Variants in MAF observed in about 807,000 individuals in gnomAD.
MAF encodes the protein transcription factor Maf.
In MAF, 10 loss-of-function variants were observed where a neutral mutation model predicts 22.0. The ratio of observed to expected loss-of-function variants is 0.45; its 90% CI spans 0.28 to 0.77. The LOEUF (loss-of-function observed/expected upper bound fraction) is 0.77. Among genes scored for constraint, MAF ranks in the 30% least tolerant of loss-of-function variants. The pLI, the probability that MAF is intolerant of heterozygous loss-of-function variation, is 0.12. For synonymous variants in MAF, 337 were observed against 255.8 expected, an observed-to-expected ratio of 1.32 and a Z score of -3.03; for missense variants, 544 against 548.4, an observed-to-expected ratio of 0.99 and a Z score of 0.08.
At chr16:79,573,406 G>A in the MAF span, among the ~76,000 whole-genome samples, 1 of 152,104 alleles carries the variant, frequency 6.6e-6, no homozygotes, top group African/African-American at 2.4e-5. Flanking sequence ...TTTTATGCAT[G>A]GTGTTTACAA....
the MAF span, among the ~76,000 whole-genome samples, chr16:79,301,152 G>A: frequency 4.6e-5 from 7 of 152,072 alleles, no homozygotes; most frequent in African/African-American, 9.7e-5. Flanking sequence ...GAAACAAGTC[G>A]GGTCCTCAGG....
the MAF span, among the ~76,000 whole-genome samples, chr16:79,384,524 G>A: frequency 2.3e-4 from 35 of 151,074 alleles, no homozygotes; most frequent in Admixed American, 6.6e-4. Context: ...TTGGGAGGCC[G>A]AGGCAGGTGG....
chr16:79,554,119 AAACAAACAAAAC>A, the MAF span, among the ~76,000 whole-genome samples: 2 of 91,704 alleles, frequency 2.2e-5, no homozygotes, highest in Non-Finnish European at 5.6e-5. Context: ...ACAAACAAAC[AAACAAACAAAAC>A]CACCAAACCA....
the MAF span, among the ~76,000 whole-genome samples, chr16:79,464,782 C>A: frequency 9.2e-5 from 14 of 152,060 alleles, no homozygotes; most frequent in African/African-American, 3.4e-4. Flanking sequence ...CGTCCCTGAC[C>A]CTGATTCCAG....
At chr16:79,506,667 T>G in the MAF span, among the ~76,000 whole-genome samples, 1 of 152,106 alleles carries the variant, frequency 6.6e-6, no homozygotes, top group African/African-American at 2.4e-5. Flanking sequence ...GATGGAACTG[T>G]GTTGAGGCAA....
At chr16:79,438,656 GTC>G in the MAF span, among the ~76,000 whole-genome samples, 1 of 152,166 alleles carries the variant, frequency 6.6e-6, no homozygotes, top group Non-Finnish European at 1.5e-5. Flanking sequence ...AGTTTTCTAA[GTC>G]TGCACAGCCA....
chr16:79,242,011 C>A, the MAF span, among the ~76,000 whole-genome samples: 1 of 151,990 alleles, frequency 6.6e-6, no homozygotes, highest in African/African-American at 2.4e-5. Flanking sequence ...TTGTCACCAC[C>A]AGGCCTGCCT....
At chr16:79,507,605 T>G in the MAF span, among the ~76,000 whole-genome samples, 1 of 151,856 alleles carries the variant, frequency 6.6e-6, no homozygotes, top group South Asian at 2.1e-4. Flanking sequence ...TTTTGTATTT[T>G]TAGTAGAGAT....
At chr16:79,470,838 GTGTGTTTTACTGCTATT>G in the MAF span, among the ~76,000 whole-genome samples, 1 of 152,222 alleles carries the variant, frequency 6.6e-6, no homozygotes, top group Non-Finnish European at 1.5e-5. Context: ...GCCAGAACTA[GTGTGTTTTACTGCTATT>G]TGTCACCATT....
the MAF span, among the ~76,000 whole-genome samples, chr16:79,214,595 C>A: frequency 7.3e-5 from 11 of 149,732 alleles, no homozygotes; most frequent in African/African-American, 2.7e-4. Context: ...TAAGTAGAGA[C>A]GGGGTTTCAC....
the MAF span, among the ~76,000 whole-genome samples, chr16:79,366,257 G>A: frequency 3.9e-5 from 6 of 152,116 alleles, no homozygotes; most frequent in Non-Finnish European, 7.3e-5. Context: ...CCTTTAAAAC[G>A]TAACTGCACA....
At chr16:79,395,743 A>G in the MAF span, among the ~76,000 whole-genome samples, 1 of 152,170 alleles carries the variant, frequency 6.6e-6, no homozygotes, top group Non-Finnish European at 1.5e-5. Flanking sequence ...TGGTTCCCCA[A>G]GCTGTGCGAG....
the MAF span, among the ~76,000 whole-genome samples, chr16:79,547,033 G>C: frequency 6.6e-6 from 1 of 152,192 alleles, no homozygotes; most frequent in Non-Finnish European, 1.5e-5. Flanking sequence ...GCCAGACATG[G>C]TCACAGGACA....
At chr16:79,562,743 C>G in the MAF span, among the ~76,000 whole-genome samples, 3 of 152,136 alleles carry the variant, frequency 2.0e-5, no homozygotes, top group African/African-American at 4.8e-5. Context: ...GTCCAGGGCT[C>G]CAACTCAGTA....
At chr16:79,458,447 A>G in the MAF span, among the ~76,000 whole-genome samples, 8 of 152,138 alleles carry the variant, frequency 5.3e-5, no homozygotes, top group Non-Finnish European at 1.2e-4. Flanking sequence ...TCATTTTTAT[A>G]TGTTTGATTA....
the MAF span, among the ~76,000 whole-genome samples, chr16:79,331,314 G>A: frequency 6.6e-6 from 1 of 152,198 alleles, no homozygotes; most frequent in Non-Finnish European, 1.5e-5. Context: ...GAGGAACGGG[G>A]TGGTGTTGGA....
chr16:79,417,351 T>C, the MAF span, among the ~76,000 whole-genome samples: 2 of 152,364 alleles, frequency 1.3e-5, no homozygotes, highest in Non-Finnish European at 2.9e-5. Flanking sequence ...AAAGTCAGTC[T>C]GTCTGCAACT....
the MAF span, among the ~76,000 whole-genome samples, chr16:79,246,354 C>T: frequency 6.6e-6 from 1 of 152,148 alleles, no homozygotes; most frequent in Admixed American, 6.5e-5. Context: ...TTGACTCTCT[C>T]ATTGCTTGAA....
the MAF span, chr16:79,264,590 A>G: frequency 6.6e-6 from 1 of 152,132 alleles, no homozygotes; most frequent in Non-Finnish European, 1.5e-5. Flanking sequence ...GTTGAGCTCT[A>G]TCCTCTCTCA....
Sources: allele counts gnomAD v4.1 joint callset (sites outside exome capture counted in the v4.1 genomes callset), GRCh38; gene constraint gnomAD v4.1.1; transcripts MANE v1.5; gene names NCBI Gene and HGNC (gene_info 2026-07-23, HGNC 2026-07-21).